Variants in KIF3A observed in about 807,000 individuals in gnomAD.
KIF3A encodes kinesin-like protein KIF3A.
In KIF3A, 27 loss-of-function variants were observed where a neutral mutation model predicts 92.6. That is an observed-to-expected ratio of 0.29 (90% confidence interval 0.21 to 0.40). KIF3A has a LOEUF of 0.40. Ranked by LOEUF, KIF3A falls within the 10% of genes least tolerant of loss-of-function variation. KIF3A has a pLI of 1.00. For missense variants in KIF3A, 581 were observed against 872.6 expected (o/e 0.67, Z 4.21); for synonymous variants, 250 against 275.4 (o/e 0.91, Z 0.92).
chr5:132,704,163 A>T (rs1432599574), intron 11 of KIF3A, among the ~76,000 whole-genome samples: 7 of 151,936 alleles, frequency 4.6e-5, no homozygotes, highest in African/African-American at 1.4e-4. Flanking sequence ...TTTTTCTAAA[A>T]TTTTTGTTTA....
chr5:132,737,010 GC>G, intron 1 of KIF3A: 1 of 342,320 alleles, frequency 2.9e-6, no homozygotes, highest in Non-Finnish European at 5.5e-6. Flanking sequence ...CCTTCGCTCC[GC>G]TGCCTCCCTG....
chr5:132,697,480 A>G (rs1324112384), intron 18 of KIF3A: 1 of 151,980 alleles, frequency 6.6e-6, no homozygotes, highest in African/African-American at 2.4e-5. Context: ...AAATTGACAG[A>G]TCTCAAGTAA....
chr5:132,736,733 T>C (rs1561717739), intron 1 of KIF3A: 2 of 459,086 alleles, frequency 4.4e-6, no homozygotes, highest in Non-Finnish European at 8.9e-6. Flanking sequence ...CCCAGACAGA[T>C]TAAATAATTA....
intron 18 of KIF3A, 103 bp from the exon 19 acceptor site, chr5:132,696,785 G>A: frequency 1.2e-6 from 1 of 818,634 alleles, no homozygotes; most frequent in Non-Finnish European, 2.0e-6. Flanking sequence ...GTATAGTCTG[G>A]AAACAAGCCA....
intron 17 of KIF3A, 41 bp from the exon 18 acceptor site, chr5:132,699,336 G>A (rs984304651): frequency 6.2e-7 from 1 of 1,600,668 alleles, no homozygotes; most frequent in African/African-American, 1.3e-5. Context: ...TTAAGGCAAA[G>A]AGTTAAAGCC....
intron 8 of KIF3A, among the ~76,000 whole-genome samples, chr5:132,714,166 G>T (rs1003886865): frequency 1.3e-5 from 2 of 152,024 alleles, no homozygotes; most frequent in African/African-American, 4.8e-5. Flanking sequence ...CAAAGTGCTG[G>T]GATTACAAGC....
chr5:132,719,552 C>T (rs1036958540), intron 5 of KIF3A, among the ~76,000 whole-genome samples: 4 of 151,124 alleles, frequency 2.6e-5, no homozygotes, highest in African/African-American at 7.3e-5. Context: ...AGTGCAGTGG[C>T]GCGATCTCGG....
chr5:132,705,445 A>G (rs1753178934), intron 11 of KIF3A, among the ~76,000 whole-genome samples: 1 of 152,026 alleles, frequency 6.6e-6, no homozygotes, highest in African/African-American at 2.4e-5. Context: ...CAAGGGTTCT[A>G]ATTGTTTCAA....
rs1752819721 is a variant in KIF3A at position 132,695,937 on chromosome 5, A to G, written c.*697T>C. 6.6e-6 allele frequency: 1 copy of G among 152,394 alleles called. No homozygotes were observed. The highest frequency in any genetic ancestry group is 1.5e-5 in the Non-Finnish European group (1 of 68,034). The allele number at this position is 152,394 out of a possible 1,614,324, so 9.4% of individuals were successfully genotyped here. A position where few individuals can be genotyped will look rare whatever the true frequency, so the allele number is the denominator to read the frequency against. ...GTACAATTCAATGTTTCAAGAGAAC[A>G]TGAAACCAGAACTTAAGGTGTATTT... On this transcript the variant is annotated 3_prime_UTR_variant, in exon 19 of 19. Coordinates refer to ENST00000403231, the MANE Select transcript of KIF3A (RefSeq NM_001300791.2).
chr5:132,700,167 AAC>A (rs750894305), intron 17 of KIF3A, 47 bp downstream of exon 17: 6 of 1,012,174 alleles, frequency 5.9e-6, no homozygotes, highest in Non-Finnish European at 1.5e-6. Context: ...CCTATAAAGA[AAC>A]AACAGTAGTT....
intron 9 of KIF3A, among the ~76,000 whole-genome samples, chr5:132,710,056 T>C (rs906488697): frequency 6.6e-6 from 1 of 152,218 alleles, no homozygotes; most frequent in African/African-American, 2.4e-5. Flanking sequence ...TAAATATTTA[T>C]GGTAAAAAGG....
At chr5:132,702,017 G>A in intron 15 of KIF3A, 70 bp downstream of exon 15, 1 of 1,474,200 alleles carries the variant, frequency 6.8e-7, no homozygotes, top group Non-Finnish European at 9.2e-7. Context: ...TTTATCATCA[G>A]TTAAATTAGA....
At chr5:132,699,385 T>C (rs1376790651) in intron 17 of KIF3A, 90 bp from the exon 18 acceptor site, 2 of 1,316,638 alleles carry the variant, frequency 1.5e-6, no homozygotes, top group Admixed American at 4.0e-5. Flanking sequence ...ATAAACTCCT[T>C]GATCAAACCC....
chr5:132,696,571 T>A lies in KIF3A; in HGVS notation c.*63A>T, dbSNP rs765728118. ...ATAGAGAAGTCTTCACTGTTTTAAT[T>A]AAAGATTTTGTCCAGGCATGAGAAT... is the stretch of plus-strand genomic sequence containing the variant. On this transcript the variant is annotated 3_prime_UTR_variant, in exon 19 of 19. Coordinates refer to ENST00000403231, the MANE Select transcript of KIF3A (RefSeq NM_001300791.2). 37 of 966,360 alleles carry A rather than the reference T, an allele frequency of 3.8e-5. No individual in the cohort carries two copies. The highest frequency in any genetic ancestry group is 5.1e-5 in the Non-Finnish European group (31 of 611,162). 59.9% of individuals were successfully genotyped at this position (966,360 alleles called of 1,614,324 possible). A position where few individuals can be genotyped will look rare whatever the true frequency, so the allele number is the denominator to read the frequency against.
intron 16 of KIF3A, 175 bp downstream of exon 16, chr5:132,700,472 T>C (rs953219390): frequency 4.6e-6 from 3 of 650,292 alleles, no homozygotes; most frequent in Non-Finnish European, 8.2e-6. Flanking sequence ...ACCCAGACCA[T>C]GATCTGTATG....
At chr5:132,700,134 A>C in intron 17 of KIF3A, 82 bp downstream of exon 17, 2 of 771,344 alleles carry the variant, frequency 2.6e-6, no homozygotes, top group South Asian at 3.4e-5. Flanking sequence ...TCAAGTTGAT[A>C]ATACAATTTA....
chr5:132,690,572 A>G (rs1752637768), downstream of KIF3A, among the ~76,000 whole-genome samples: 1 of 152,236 alleles, frequency 6.6e-6, no homozygotes. Context: ...TGATCTGATC[A>G]TCATGTATTT....
intron 8 of KIF3A, among the ~76,000 whole-genome samples, chr5:132,714,985 T>A (rs1221586728): frequency 1.3e-5 from 2 of 152,210 alleles, no homozygotes; most frequent in Non-Finnish European, 2.9e-5. Flanking sequence ...ACTACTTGTT[T>A]ACTAAATAAG....
chr5:132,689,600 G>A (rs994739407), downstream of KIF3A: 3 of 152,116 alleles, frequency 2.0e-5, no homozygotes, highest in Admixed American at 6.6e-5. Flanking sequence ...GAAATTTCTC[G>A]AGAATCTTCA....
Sources: gnomAD v4.1 joint callset for allele counts (sites outside exome capture counted in the v4.1 genomes callset) on GRCh38, gnomAD v4.1.1 for gene constraint, MANE v1.5 for transcripts, NCBI Gene and HGNC (gene_info 2026-07-23, HGNC 2026-07-21) for gene names.